PAPPA: variants seen among roughly 807,000 people sequenced by gnomAD.
PAPPA encodes pappalysin 1, also known as pappalysin-1.
A neutral mutation model predicts 164.0 loss-of-function variants in PAPPA; 60 were observed. The observed-to-expected ratio is 0.37, with a 90% CI of 0.30 to 0.45. The LOEUF is 0.45. PAPPA is among the 20% of genes least tolerant of loss of function. The pLI is 1.00. For synonymous variants in PAPPA, 875 were observed against 814.1 expected, an observed-to-expected ratio of 1.07 and a Z score of -1.27; for missense variants, 1,782 against 2,087.3, an observed-to-expected ratio of 0.85 and a Z score of 2.85.
intron 9 of PAPPA, among the ~76,000 whole-genome samples, chr9:116,295,135 C>T (rs889174062): frequency 1.3e-5 from 2 of 152,170 alleles, no homozygotes; most frequent in African/African-American, 4.8e-5. Flanking sequence ...ACCTCAATAG[C>T]TTCCCAGACT....
At chr9:116,348,365 T>C (rs764210068) in intron 15 of PAPPA, among the ~76,000 whole-genome samples, 4 of 151,862 alleles carry the variant, frequency 2.6e-5, no homozygotes, top group Non-Finnish European at 5.9e-5. Flanking sequence ...CACCCTCATC[T>C]CAAGCCAGGG....
At chr9:116,193,128 C>A (rs1261565288) in intron 2 of PAPPA, among the ~76,000 whole-genome samples, 1 of 151,870 alleles carries the variant, frequency 6.6e-6, no homozygotes, top group South Asian at 2.1e-4. Flanking sequence ...TTTGTCTTCT[C>A]TTTTTTATTA....
intron 1 of PAPPA, among the ~76,000 whole-genome samples, chr9:116,157,386 A>AT (rs1843616563): frequency 6.6e-6 from 1 of 152,160 alleles, no homozygotes; most frequent in Admixed American, 6.5e-5. Flanking sequence ...AAAGGAGAAA[A>AT]ATATATATAC....
At chr9:116,366,527 A>G (rs955937230) in intron 18 of PAPPA, among the ~76,000 whole-genome samples, 2 of 152,202 alleles carry the variant, frequency 1.3e-5, no homozygotes, top group Non-Finnish European at 2.9e-5. Flanking sequence ...TTCATCAGTC[A>G]GTCATCATGC....
chr9:116,229,182 C>A (rs548969044), intron 6 of PAPPA, among the ~76,000 whole-genome samples: 2 of 152,164 alleles, frequency 1.3e-5, no homozygotes, highest in South Asian at 2.1e-4. Context: ...ACACTATTAA[C>A]GAGGTGCATC....
intron 10 of PAPPA, among the ~76,000 whole-genome samples, chr9:116,328,330 C>T (rs1845946210): frequency 6.6e-6 from 1 of 152,178 alleles, no homozygotes; most frequent in African/African-American, 2.4e-5. Context: ...TGCCTAAACC[C>T]GGTCCCAGTT....
intron 21 of PAPPA, among the ~76,000 whole-genome samples, chr9:116,388,509 C>A (rs2118719712): frequency 6.6e-6 from 1 of 152,254 alleles, no homozygotes; most frequent in Non-Finnish European, 1.5e-5. Flanking sequence ...CAGATGGCTG[C>A]TAAGAGAGTG....
chr9:116,215,756 A>G (rs1341007065), intron 4 of PAPPA, among the ~76,000 whole-genome samples: 1 of 152,218 alleles, frequency 6.6e-6, no homozygotes, highest in Non-Finnish European at 1.5e-5. Flanking sequence ...AAAGTTAAAA[A>G]ACAAACAAAC....
At chr9:116,248,700 T>C (rs1844825655) in intron 7 of PAPPA, among the ~76,000 whole-genome samples, 1 of 152,210 alleles carries the variant, frequency 6.6e-6, no homozygotes, top group Non-Finnish European at 1.5e-5. Flanking sequence ...GTGGGGGCTG[T>C]GTAATATCTG....
chr9:116,326,592 A>G (rs1226828735), intron 10 of PAPPA, among the ~76,000 whole-genome samples: 1 of 150,280 alleles, frequency 6.7e-6, no homozygotes, highest in Non-Finnish European at 1.5e-5. Flanking sequence ...TGGGAAGAGC[A>G]CACCGTGAGA....
chr9:116,333,229 C>T (rs1299330976), intron 12 of PAPPA, among the ~76,000 whole-genome samples: 1 of 152,172 alleles, frequency 6.6e-6, no homozygotes, highest in Admixed American at 6.5e-5. Context: ...TTCCTGTCCT[C>T]ACAGCACATC....
At chr9:116,353,959 A>AT (rs1002830388) in intron 17 of PAPPA, among the ~76,000 whole-genome samples, 166 bp downstream of exon 17, 3 of 151,724 alleles carry the variant, frequency 2.0e-5, no homozygotes, top group East Asian at 3.9e-4. Flanking sequence ...TTAGCTTTGA[A>AT]TTTTTTTTTA....
chr9:116,289,258 CA>C (rs1845395595), intron 9 of PAPPA, among the ~76,000 whole-genome samples: 1 of 36,550 alleles, frequency 2.7e-5, no homozygotes, highest in African/African-American at 9.5e-5. Flanking sequence ...ATATATGTAG[CA>C]TATATATATA....
intron 21 of PAPPA, 67 bp from the exon 22 acceptor site, chr9:116,396,442 G>A (rs548275547): frequency 6.2e-5 from 48 of 773,634 alleles, no homozygotes; most frequent in Admixed American, 2.8e-4. Context: ...GTATCCCTGC[G>A]CTGCACTGCC....
intron 9 of PAPPA, among the ~76,000 whole-genome samples, chr9:116,292,008 G>C (rs1845442456): frequency 6.6e-6 from 1 of 152,156 alleles, no homozygotes; most frequent in South Asian, 2.1e-4. Flanking sequence ...AGCCAAGAAA[G>C]AGATATTCCA....
At chr9:116,330,793 T>C (rs1269048437) in intron 10 of PAPPA, among the ~76,000 whole-genome samples, 1 of 152,186 alleles carries the variant, frequency 6.6e-6, no homozygotes, top group Non-Finnish European at 1.5e-5. Flanking sequence ...ATCTAATTGT[T>C]CAACCCACTT....
intron 7 of PAPPA, among the ~76,000 whole-genome samples, chr9:116,245,325 C>A (rs1219849187): frequency 6.6e-6 from 1 of 151,926 alleles, no homozygotes; most frequent in African/African-American, 2.4e-5. Context: ...AAAGAAGGGG[C>A]CAGATTATGA....
chr9:116,195,300 A>G (rs541707167), intron 2 of PAPPA, among the ~76,000 whole-genome samples: 1 of 152,296 alleles, frequency 6.6e-6, no homozygotes, highest in Non-Finnish European at 1.5e-5. Context: ...TGAGACTTGC[A>G]CACATATAAC....
At chr9:116,291,495 T>G (rs564517836) in intron 9 of PAPPA, among the ~76,000 whole-genome samples, 150 of 152,304 alleles carry the variant, frequency 9.8e-4, no homozygotes, top group African/African-American at 3.4e-3. Context: ...GTTTGGGACA[T>G]CTTCAGAATC....
Sources: allele counts gnomAD v4.1 joint callset (sites outside exome capture counted in the v4.1 genomes callset), GRCh38; gene constraint gnomAD v4.1.1; transcripts MANE v1.5; gene names NCBI Gene and HGNC (gene_info 2026-07-23, HGNC 2026-07-21).